PHACTR2: variants seen among roughly 807,000 people sequenced by gnomAD.
The protein encoded by PHACTR2 is chromosome 6 open reading frame 56.
A neutral mutation model predicts 76.0 loss-of-function variants in PHACTR2; 30 were observed. The observed-to-expected ratio is 0.39, with a 90% CI of 0.30 to 0.54. PHACTR2 has a LOEUF of 0.54. Among genes scored for constraint, PHACTR2 ranks in the 20% least tolerant of loss-of-function variants. The pLI is 0.61. For synonymous variants in PHACTR2, 292 were observed against 292.5 expected (o/e 1.00, Z 0.02); for missense variants, 696 against 781.1 (o/e 0.89, Z 1.30).
At position 143,578,754 on chromosome 6, in the gene PHACTR2, C is replaced by T. The variant is rs948360821; in HGVS notation, c.217+41547C>T. Among the ~76,000 whole-genome samples, 1 of 151,788 alleles carries T rather than the reference C, an allele frequency of 6.6e-6. No individual in the cohort carries two copies. The highest frequency in any genetic ancestry group is 2.4e-5 in the African/African-American group (1 of 41,302). On this transcript the variant is annotated intron_variant, in intron 1 of 11. Coordinates refer to the PHACTR2 transcript ENST00000367584. This position sits in a 1 kb window ranked among gnomAD's most constrained non-coding sequence, Gnocchi z 4.5. ...AGATGATGAAGAAGATGAAGAAGACCTTGGTGAAGAAGAAAGGAGTCAGAA... is the reference window on the plus strand; with the variant it reads ...AGATGATGAAGAAGATGAAGAAGACTTTGGTGAAGAAGAAAGGAGTCAGAA...
At chr6:143,673,743 T>A (rs957739313), upstream of PHACTR2, among the ~76,000 whole-genome samples, 2 of 151,998 alleles carry the variant, frequency 1.3e-5, no homozygotes, top group Non-Finnish European at 2.9e-5. Flanking sequence ...AGGTCTTTAT[T>A]TTCCAGCATA....
At chr6:143,771,144 G>GTGTA (rs1455827695) in intron 6 of PHACTR2, among the ~76,000 whole-genome samples, 2 of 30,816 alleles carry the variant, frequency 6.5e-5, no homozygotes, top group African/African-American at 2.2e-4. Flanking sequence ...ATATATATAT[G>GTGTA]TATATATATA....
Position 143,689,295 on chromosome 6 carries a change from A to G in PHACTR2, c.46+11086A>G, listed in dbSNP as rs1226441297. ...CATTGTCTCTCTTTTCTAGAACATA[A>G]GCTCCATGATCTAAAAGACGTTATC... is the stretch of plus-strand genomic sequence containing the variant. On this transcript the variant is annotated intron_variant, in intron 1 of 12. Coordinates refer to ENST00000440869, the MANE Select transcript of PHACTR2 (RefSeq NM_001100164.2). The surrounding 1 kb of genome is among the most constrained non-coding windows in gnomAD (Gnocchi z 4.4). 6.6e-6 allele frequency among the ~76,000 whole-genome samples: 1 copy of G among 152,170 alleles called. No individual in the cohort carries two copies. Among genetic ancestry groups the G allele is most frequent in the Non-Finnish European group, 1.5e-5 (1 of 68,042 alleles).
At chr6:143,563,421 TG>T (rs941511969) in intron 1 of PHACTR2, among the ~76,000 whole-genome samples, 1 of 151,228 alleles carries the variant, frequency 6.6e-6, no homozygotes, top group Admixed American at 6.6e-5. Context: ...CCAGGCATGG[TG>T]GCACACACCT....
chr6:143,768,841 T>C (rs1775024781), intron 6 of PHACTR2, among the ~76,000 whole-genome samples: 1 of 152,220 alleles, frequency 6.6e-6, no homozygotes, highest in Non-Finnish European at 1.5e-5. Flanking sequence ...CATAGGGATT[T>C]TCTTCTCTGT....
chr6:143,607,488 T>A (rs1201649463), upstream of PHACTR2, among the ~76,000 whole-genome samples: 1 of 152,240 alleles, frequency 6.6e-6, no homozygotes, highest in African/African-American at 2.4e-5. Context: ...TTCACATTTC[T>A]TTAGCCACAG....
In PHACTR2 at chr6:143,672,935, G is replaced by A. The variant is rs1210593195; in HGVS notation, c.14-39081G>A. Among the ~76,000 whole-genome samples the A allele has an allele frequency of 6.6e-6, 1 of 152,080 alleles. No individual in the cohort carries two copies. Among genetic ancestry groups the A allele is most frequent in the African/African-American group, 2.4e-5 (1 of 41,416 alleles). ...AGACAGGGTTTCACCATGTTGGCCA[G>A]GCTGGTCTCAAGCTCCTGACCTCAG... is the stretch of plus-strand genomic sequence containing the variant. On this transcript the variant is annotated intron_variant, in intron 1 of 11. Coordinates refer to the PHACTR2 transcript ENST00000305766. This position sits in a 1 kb window ranked among gnomAD's most constrained non-coding sequence, Gnocchi z 5.8.
chr6:143,604,207 G>A (rs1332442785), upstream of PHACTR2, among the ~76,000 whole-genome samples: 1 of 152,072 alleles, frequency 6.6e-6, no homozygotes, highest in Non-Finnish European at 1.5e-5. Context: ...TGATTCTTTG[G>A]ATGAATCAGA....
At chr6:143,607,302 C>T (rs564750180), upstream of PHACTR2, among the ~76,000 whole-genome samples, 55 of 152,356 alleles carry the variant, frequency 3.6e-4, no homozygotes, top group African/African-American at 1.3e-3. Context: ...CTGTCCCCAG[C>T]ATCTAATGTC....
intron 11 of PHACTR2, among the ~76,000 whole-genome samples, chr6:143,797,473 A>C (rs966183090): frequency 6.6e-6 from 1 of 152,222 alleles, no homozygotes; most frequent in African/African-American, 2.4e-5. Context: ...CGTTTTAGAC[A>C]TGAAGTCTTT....
chr6:143,821,863 T>C lies in PHACTR2; in HGVS notation c.1923-1811T>C, dbSNP rs1358590436. Among the ~76,000 whole-genome samples, 1 of 152,136 alleles carries C rather than the reference T, an allele frequency of 6.6e-6. No homozygotes were observed. The highest frequency in any genetic ancestry group is 1.9e-4 in the East Asian group (1 of 5,196). ...AATATTAGCTGGGCATGGTGGTGCA[T>C]GCTTGTAGTTTCAGCTACTTGGATG... On this transcript the variant is annotated intron_variant, in intron 12 of 12. Coordinates refer to ENST00000440869, the MANE Select transcript of PHACTR2 (RefSeq NM_001100164.2). The surrounding 1 kb of genome is among the most constrained non-coding windows in gnomAD (Gnocchi z 5.2).
rs1157240759 is a variant in PHACTR2 at position 143,818,795 on chromosome 6, C to T, written c.1923-4879C>T. Among the ~76,000 whole-genome samples the T allele has an allele frequency of 1.3e-5, 2 of 152,168 alleles. No homozygotes were observed. The highest frequency in any genetic ancestry group is 2.4e-5 in the African/African-American group (1 of 41,434). On this transcript the variant is annotated intron_variant, in intron 12 of 12. Transcript: ENST00000440869. This position sits in a 1 kb window ranked among gnomAD's most constrained non-coding sequence, Gnocchi z 4.9. ...TGATTCAATTACCTCCCACCAGGTC[C>T]CTCCCACAACATGTGGGGATTATGA... is the stretch of plus-strand genomic sequence containing the variant.
rs1268098666 is a variant in PHACTR2 at position 143,578,664 on chromosome 6, G to C, written c.217+41457G>C. 5.3e-5 allele frequency among the ~76,000 whole-genome samples: 8 copies of C among 152,140 alleles called. No homozygotes were observed. Among genetic ancestry groups the C allele is most frequent in the African/African-American group, 1.9e-4 (8 of 41,520 alleles). ...AGAGGATGAGGAGGAGGAGGAGGAG[G>C]AAGGAGAAGAGGAGGACATGAGTGC... On this transcript the variant is annotated intron_variant, in intron 1 of 11. Coordinates refer to the PHACTR2 transcript ENST00000367584. This position sits in a 1 kb window ranked among gnomAD's most constrained non-coding sequence, Gnocchi z 4.5.
rs369348760 is a variant in PHACTR2, at chr6:143,596,501, C to T, written c.217+59294C>T. Among the ~76,000 whole-genome samples the T allele has an allele frequency of 7.9e-5, 12 of 152,142 alleles. No individual in the cohort carries two copies. In the East Asian group the frequency reaches 1.5e-3, roughly 20 times the overall value. On this transcript the variant is annotated intron_variant, in intron 1 of 11. Coordinates refer to the PHACTR2 transcript ENST00000367584. This position sits in a 1 kb window ranked among gnomAD's most constrained non-coding sequence, Gnocchi z 4.6. ...TTGAGTGGATAATATAATAGGTTTT[C>T]GACAAGTGAATGTTTTTGAAAACAC...
At position 143,780,764 on chromosome 6, in the gene PHACTR2, G is replaced by A. The variant is rs1775409972; in HGVS notation, c.1646-2455G>A. Among the ~76,000 whole-genome samples, 7 of 152,158 alleles carry A rather than the reference G, an allele frequency of 4.6e-5. No homozygotes were observed. The highest frequency in any genetic ancestry group is 4.6e-4 in the Admixed American group (7 of 15,280). ...TGTTCGCCCCTCTCTGCTCTGATGA[G>A]AGTCACTGAGAGCAAGATTTGTCAA... On this transcript the variant is annotated intron_variant, in intron 9 of 12. Coordinates refer to ENST00000440869, the MANE Select transcript of PHACTR2 (RefSeq NM_001100164.2). This position sits in a 1 kb window ranked among gnomAD's most constrained non-coding sequence, Gnocchi z 4.4.
At chr6:143,660,883 C>A (rs564365571) in intron 1 of PHACTR2, among the ~76,000 whole-genome samples, 1 of 151,934 alleles carries the variant, frequency 6.6e-6, no homozygotes, top group African/African-American at 2.4e-5. Flanking sequence ...AGGATGTGTC[C>A]CTTAGATGGT....
intron 6 of PHACTR2, among the ~76,000 whole-genome samples, chr6:143,770,726 T>A (rs1445995705): frequency 1.3e-5 from 2 of 152,110 alleles, no homozygotes; most frequent in African/African-American, 2.4e-5. Flanking sequence ...ATTTGGGGGA[T>A]CTTTGTGTCT....
Position 143,547,519 on chromosome 6 carries a change from A to C in PHACTR2, c.217+10312A>C, listed in dbSNP as rs113122227. On this transcript the variant is annotated intron_variant, in intron 1 of 11. Coordinates refer to the PHACTR2 transcript ENST00000367584. This position sits in a 1 kb window ranked among gnomAD's most constrained non-coding sequence, Gnocchi z 4.2. ...GCAGATCAGTTGGAACTGTTAACAC[A>C]GTGACTGTGAGATCTAGAAAGTAAA... 5.3e-5 allele frequency among the ~76,000 whole-genome samples: 8 copies of C among 152,224 alleles called. No individual in the cohort carries two copies. Among genetic ancestry groups the C allele is most frequent in the African/African-American group, 1.4e-4 (6 of 41,452 alleles).
chr6:143,635,637 T>C (rs185545364), intron 1 of PHACTR2, among the ~76,000 whole-genome samples: 6 of 152,318 alleles, frequency 3.9e-5, no homozygotes, highest in South Asian at 4.1e-4. Context: ...TTTCTAATTA[T>C]TGTTTTAATT....
Sources: allele counts gnomAD v4.1 joint callset (sites outside exome capture counted in the v4.1 genomes callset), GRCh38; gene constraint gnomAD v4.1.1; non-coding constraint Gnocchi (gnomAD v3.1); transcripts MANE v1.5; gene names NCBI Gene and HGNC (gene_info 2026-07-23, HGNC 2026-07-21).